PLK4: variants seen among roughly 807,000 people sequenced by gnomAD.
PLK4 encodes polo like kinase 4, also known as serine/threonine-protein kinase PLK4.
Under a neutral mutation model 103.0 loss-of-function variants are expected in PLK4, and 51 were observed. The observed-to-expected ratio is 0.50, with a 90% CI of 0.40 to 0.63. PLK4 has a LOEUF of 0.63. PLK4 is among the 20% of genes least tolerant of loss of function. The pLI, the probability that PLK4 is intolerant of heterozygous loss-of-function variation, is 0.00. For missense variants in PLK4, 1,054 were observed against 1,151.0 expected, an observed-to-expected ratio of 0.92 and a Z score of 1.22; for synonymous variants, 389 against 376.8, an observed-to-expected ratio of 1.03 and a Z score of -0.38.
rs1313115044 is a variant in PLK4 at position 127,892,504 on chromosome 4, G to GTT, written c.2181_2182dup (p.Tyr728PhefsTer5). ...CTCCTGGTGCTGATTTTGAGGTTTG[G>GTT]TTTTATGATGGTAAGTACCATTTGG... On this transcript the variant is annotated frameshift_variant, in exon 10 of 16. Transcript: ENST00000270861. LOFTEE classifies it high-confidence loss of function. The GTT allele has an allele frequency of 6.2e-7, 1 of 1,607,364 alleles. No homozygotes were observed. The highest frequency in any genetic ancestry group is 2.3e-5 in the East Asian group (1 of 44,388).
chr4:127,896,307 G>A (rs1317662175), intron 14 of PLK4, among the ~76,000 whole-genome samples: 2 of 152,122 alleles, frequency 1.3e-5, no homozygotes, highest in Admixed American at 1.3e-4. Context: ...TCTCCATTTT[G>A]AGTGACACAT....
At chr4:127,888,322 G>A (rs1269209540) in intron 6 of PLK4, among the ~76,000 whole-genome samples, 1 of 147,852 alleles carries the variant, frequency 6.8e-6, no homozygotes, top group Non-Finnish European at 1.5e-5. Flanking sequence ...AAAAAAACAT[G>A]AGGAAGATAC....
rs1735392896 is a variant in PLK4 at position 127,892,376 on chromosome 4, C to T, written c.2050C>T (p.Arg684Ter). The T allele has an allele frequency of 1.3e-6, 2 of 1,561,660 alleles. No homozygotes were observed. Among genetic ancestry groups the T allele is most frequent in the Non-Finnish European group, 1.7e-6 (2 of 1,160,052 alleles). ...TTTTTTTTCCTTAGAAAAATACTGGCGAAAATATCAATATGCTTCCAGGTT... is the reference window on the plus strand; with the variant it reads ...TTTTTTTTCCTTAGAAAAATACTGGTGAAAATATCAATATGCTTCCAGGTT... ...SFDNLPEKYWRKYQYASRFVQ... is the reference protein window; with the variant it reads ...SFDNLPEKYW Residue 684 changes from arginine (R) to a stop codon, truncating the protein, a stop_gained, in exon 10 of 16, where the codon CGA becomes TGA. Coordinates refer to ENST00000270861, the MANE Select transcript of PLK4 (RefSeq NM_014264.5). LOFTEE classifies it high-confidence loss of function.
rs538580952 is a variant in PLK4, at chr4:127,890,178, C to T, written c.1772C>T (p.Thr591Ile). 1 of 1,613,594 alleles carries T rather than the reference C, an allele frequency of 6.2e-7. No homozygotes were observed. Among genetic ancestry groups the T allele is most frequent in the East Asian group, 2.2e-5 (1 of 44,868 alleles). ...CAGAATCGTACATTAAGAAGCATTA[C>T]ATCTCCGTTGGTTGCTCACAGGTTA... is the stretch of plus-strand genomic sequence containing the variant. ...GYQNRTLRSI[T>I]SPLVAHRLKP... The change falls in exon 7 of 16, where the codon ACA (threonine) becomes ATA (isoleucine). Residue 591 changes from threonine (T) to isoleucine (I), a missense_variant. Transcript: ENST00000270861.
At position 127,886,848 on chromosome 4, in the gene PLK4, G is replaced by C. The variant is rs1428562145; in HGVS notation, c.1358+120G>C. 9.8e-6 allele frequency: 6 copies of C among 612,114 alleles called. No individual in the cohort carries two copies. The East Asian group carries it at 1.7e-4, about 17-fold the overall frequency. 37.9% of individuals were successfully genotyped at this position (612,114 alleles called of 1,614,324 possible). On this transcript the variant is annotated intron_variant, in intron 5 of 15. Coordinates refer to ENST00000270861, the MANE Select transcript of PLK4 (RefSeq NM_014264.5). ...TGAATGTCTAAAAAAAAAAACCACT[G>C]TCATGATTTTGACCTGTGGTTAACA...
chr4:127,889,092 A>T (rs1226208150), intron 6 of PLK4, among the ~76,000 whole-genome samples: 2 of 152,144 alleles, frequency 1.3e-5, no homozygotes, highest in Non-Finnish European at 2.9e-5. Context: ...TGTTCCTGCA[A>T]TTTTTCAGTA....
chr4:127,884,562 G>A (rs1174824668), intron 4 of PLK4, among the ~76,000 whole-genome samples: 2 of 152,148 alleles, frequency 1.3e-5, no homozygotes, highest in African/African-American at 2.4e-5. Flanking sequence ...CCAGCACCTT[G>A]GGGGGCTGAG....
rs777527134 is a variant in PLK4 at position 127,883,615 on chromosome 4, T to G, written c.337+62T>G. The G allele has an allele frequency of 8.2e-6, 6 of 731,702 alleles. No individual in the cohort carries two copies. Among genetic ancestry groups the G allele is most frequent in the Non-Finnish European group, 1.4e-5 (6 of 417,990 alleles). The allele number at this position is 731,702 out of a possible 1,614,324, so 45.3% of individuals were successfully genotyped here. ...TGGATAAAAGTTTTGCATTTTAAAG[T>G]GTAGTTTTGAGGAATATGCTATTTT... is the stretch of plus-strand genomic sequence containing the variant. On this transcript the variant is annotated intron_variant, in intron 4 of 15. Transcript: ENST00000270861.
chr4:127,898,079 AC>A (rs987855202), intron 15 of PLK4, among the ~76,000 whole-genome samples: 1 of 150,864 alleles, frequency 6.6e-6, no homozygotes, highest in Admixed American at 6.6e-5. Flanking sequence ...CTCGTAATCC[AC>A]CCCCCTTGGC....
intron 5 of PLK4, 149 bp downstream of exon 5, chr4:127,886,877 T>A (rs1434446288): frequency 7.1e-6 from 4 of 560,900 alleles, no homozygotes; most frequent in Non-Finnish European, 1.2e-5. Flanking sequence ...GTTAACAGTC[T>A]TAACAGGAGT....
At chr4:127,884,232 GAC>G (rs1051780472) in intron 4 of PLK4, among the ~76,000 whole-genome samples, 9 of 152,144 alleles carry the variant, frequency 5.9e-5, no homozygotes, top group Admixed American at 2.0e-4. Flanking sequence ...TCTATACATT[GAC>G]ACAAATGATT....
rs749909130 is a variant in PLK4 at position 127,895,008 on chromosome 4, C to G, written c.2618C>G (p.Ser873Cys). Residue 873 changes from serine to cysteine, a missense_variant, in exon 14 of 16, where the codon TCT becomes TGT. Around this residue, in one of 4 missense-constraint regions of PLK4, gnomAD observed 167 missense variants for 200.7 expected, o/e 0.83. Transcript: ENST00000270861. ...LTTTASGTDI[S>C]SNSLKDCLPK... ...ACTACAGCTTCTGGAACAGACATCT[C>G]TTCTAATAGTCTAAAAGATTGTCTT... The G allele has an allele frequency of 1.2e-6, 2 of 1,606,344 alleles. No homozygotes were observed. The highest frequency in any genetic ancestry group is 2.2e-5 in the East Asian group (1 of 44,722).
chr4:127,894,083 A>C (rs1233851579), intron 13 of PLK4, among the ~76,000 whole-genome samples: 3 of 152,174 alleles, frequency 2.0e-5, no homozygotes, highest in Admixed American at 1.3e-4. Context: ...GCCTTTTCAC[A>C]TGCTGTTCAC....
intron 14 of PLK4, among the ~76,000 whole-genome samples, chr4:127,896,290 A>G (rs367796235): frequency 5.3e-4 from 80 of 152,294 alleles, no homozygotes; most frequent in Middle Eastern, 3.4e-3. Flanking sequence ...TCCATGTACT[A>G]TGCACTTCTC....
At chr4:127,889,842 T>C in intron 6 of PLK4, 24 bp from the exon 7 acceptor site, 2 of 1,490,644 alleles carry the variant, frequency 1.3e-6, no homozygotes, top group Non-Finnish European at 1.8e-6. Flanking sequence ...TTTACTAAAT[T>C]GCTTCATTCT....
In PLK4 at chr4:127,891,195, C is replaced by A. The variant is rs756811050; in HGVS notation, c.1934C>A (p.Thr645Lys). 7 of 1,418,234 alleles carry A rather than the reference C, an allele frequency of 4.9e-6. No homozygotes were observed. The South Asian group carries it at 8.5e-5, about 17-fold the overall frequency. 87.9% of individuals were successfully genotyped at this position (1,418,234 alleles called of 1,614,324 possible). ...CTTCAGATATCTAGTGATGGAAATA[C>A]GGTAATGTGTAGTTACTTTATTACC... ...EVLQISSDGNTITIYYPNGGR... is the reference protein window; with the variant it reads ...EVLQISSDGNKITIYYPNGGR... The change falls in exon 8 of 16, where the codon ACG becomes AAG. Residue 645 changes from threonine (T) to lysine (K), a missense_variant and splice_region_variant. Transcript: ENST00000270861.
At chr4:127,881,411 GCTTT>G in intron 1 of PLK4, 1 of 1,411,132 alleles carries the variant, frequency 7.1e-7, no homozygotes, top group South Asian at 1.5e-5. Flanking sequence ...AGGCACTGCG[GCTTT>G]CTTTCAGCAA....
In PLK4 at chr4:127,886,604, G is replaced by A. The variant is rs1296213930; in HGVS notation, c.1234G>A (p.Gly412Arg). 6.2e-7 allele frequency: 1 copy of A among 1,613,892 alleles called. No homozygotes were observed. The highest frequency in any genetic ancestry group is 8.5e-7 in the Non-Finnish European group (1 of 1,179,902). Residue 412 changes from glycine to arginine, a missense_variant, in exon 5 of 16, where the codon GGA (glycine) becomes AGA (arginine). Gly to Arg is a moderately radical substitution (Grantham distance 125). This residue lies in a region of PLK4 where 680 missense variants were observed against 660.3 expected (regional missense o/e 1.03). Coordinates refer to ENST00000270861, the MANE Select transcript of PLK4 (RefSeq NM_014264.5). ...AEMLSVSKRS[G>R]GGENEERYSP... ...AATGCTTTCAGTGTCCAAAAGATCAGGAGGAGGTGAAAATGAAGAGAGGTA... is the reference window on the plus strand; with the variant it reads ...AATGCTTTCAGTGTCCAAAAGATCAAGAGGAGGTGAAAATGAAGAGAGGTA...
intron 9 of PLK4, 76 bp from the exon 10 acceptor site, chr4:127,892,289 A>G: frequency 2.1e-6 from 2 of 957,092 alleles, no homozygotes; most frequent in Non-Finnish European, 3.1e-6. Flanking sequence ...ACCCTATTAG[A>G]AATCACAATA....
Sources: allele counts gnomAD v4.1 joint callset (sites outside exome capture counted in the v4.1 genomes callset), GRCh38; gene constraint gnomAD v4.1.1; regional missense constraint gnomAD v4.1.1; transcripts MANE v1.5; gene names NCBI Gene and HGNC (gene_info 2026-07-23, HGNC 2026-07-21).